The following PDE1A variants were observed in gnomAD, a reference collection of about 807,000 sequenced individuals.
The protein encoded by PDE1A is dual specificity calcium/calmodulin-dependent 3',5'-cyclic nucleotide phosphodiesterase 1A.
A neutral mutation model predicts 61.7 loss-of-function variants in PDE1A; 35 were observed. That is an observed-to-expected ratio of 0.57 (90% CI 0.43 to 0.75). The LOEUF (loss-of-function observed/expected upper bound fraction) is 0.75. PDE1A is among the 30% of genes least tolerant of loss of function. The pLI, the probability that PDE1A is intolerant of heterozygous loss-of-function variation, is 0.00. For synonymous variants in PDE1A, 232 were observed against 213.2 expected (o/e 1.09, Z -0.77); for missense variants, 597 against 630.6 (o/e 0.95, Z 0.57).
downstream of PDE1A, among the ~76,000 whole-genome samples, chr2:182,166,023 T>C (rs1427446864): frequency 1.3e-5 from 2 of 152,140 alleles, no homozygotes; most frequent in African/African-American, 2.4e-5. Context: ...GTAAACAGGA[T>C]AGTTTCACCA....
chr2:182,669,442 G>T, the PDE1A span, among the ~76,000 whole-genome samples: 24 of 152,078 alleles, frequency 1.6e-4, no homozygotes, highest in African/African-American at 5.8e-4. Flanking sequence ...GTTGAATTTT[G>T]CTATAGTTTC....
At chr2:182,582,793 G>GA in the PDE1A span, among the ~76,000 whole-genome samples, 1 of 152,184 alleles carries the variant, frequency 6.6e-6, no homozygotes, top group African/African-American at 2.4e-5. Context: ...ATGGGACTTG[G>GA]AAAAACACTA....
chr2:182,484,573 G>A (rs1177430043), intron 2 of PDE1A, among the ~76,000 whole-genome samples: 1 of 152,050 alleles, frequency 6.6e-6, no homozygotes, highest in Middle Eastern at 3.4e-3. Flanking sequence ...AGAGTAAACA[G>A]ACAACCTAGA....
At chr2:182,205,174 G>A (rs1277644793) in intron 8 of PDE1A, among the ~76,000 whole-genome samples, 1 of 152,082 alleles carries the variant, frequency 6.6e-6, no homozygotes, top group African/African-American at 2.4e-5. Context: ...ATAAATACAG[G>A]CCTTTTTCTG....
intron 1 of PDE1A, among the ~76,000 whole-genome samples, chr2:182,293,344 G>A (rs1010131861): frequency 1.2e-4 from 18 of 152,030 alleles, no homozygotes; most frequent in Admixed American, 1.1e-3. Context: ...AAACAGTAGC[G>A]CTTTGATTTT....
intron 1 of PDE1A, among the ~76,000 whole-genome samples, chr2:182,333,005 G>A (rs529640262): frequency 5.3e-5 from 8 of 152,236 alleles, no homozygotes; most frequent in Non-Finnish European, 7.4e-5. Flanking sequence ...AATGGTAAAC[G>A]AACCAATGCA....
chr2:182,495,692 C>T (rs959018761), intron 2 of PDE1A, among the ~76,000 whole-genome samples: 1 of 152,202 alleles, frequency 6.6e-6, no homozygotes, highest in Non-Finnish European at 1.5e-5. Context: ...CTACAGTCAG[C>T]AGCCACCCCC....
chr2:182,208,696 G>A (rs189374770), intron 7 of PDE1A, among the ~76,000 whole-genome samples: 34 of 152,292 alleles, frequency 2.2e-4, no homozygotes, highest in African/African-American at 7.5e-4. Context: ...AAGGCCGTAG[G>A]AGCACACCCC....
chr2:182,626,760 TAC>T, the PDE1A span, among the ~76,000 whole-genome samples: 14 of 10,316 alleles, frequency 1.4e-3, no homozygotes, highest in East Asian at 2.1e-3. Flanking sequence ...TATATATATA[TAC>T]ATATATATAC....
At chr2:182,337,380 G>A (rs1004213067) in intron 1 of PDE1A, among the ~76,000 whole-genome samples, 4 of 152,112 alleles carry the variant, frequency 2.6e-5, no homozygotes, top group Admixed American at 2.0e-4. Flanking sequence ...ATAATACAGA[G>A]TTATGTTCAA....
rs528590737 is a variant in PDE1A, at chr2:182,304,076, T to G, written c.54-39662A>C. ...CCACCATGACCAGCTAATTTTTGTATTTTTAGTAGAGACACGGTTTCACCA... is the reference window on the plus strand; with the variant it reads ...CCACCATGACCAGCTAATTTTTGTAGTTTTAGTAGAGACACGGTTTCACCA... On this transcript the variant is annotated intron_variant, in intron 1 of 13. Coordinates refer to ENST00000351439, the Ensembl canonical transcript of PDE1A. Among the ~76,000 whole-genome samples, 248 of 152,248 alleles carry G rather than the reference T, an allele frequency of 1.6e-3. 1 individual carries two copies. Among genetic ancestry groups the G allele is most frequent in the African/African-American group, 5.8e-3 (241 of 41,540 alleles).
At chr2:182,669,241 AC>A in the PDE1A span, among the ~76,000 whole-genome samples, 1 of 152,178 alleles carries the variant, frequency 6.6e-6, no homozygotes, top group Non-Finnish European at 1.5e-5. Flanking sequence ...ATTCCTCAAA[AC>A]AAAGGAATAC....
At chr2:182,412,763 T>A (rs1422802640) in intron 1 of PDE1A, among the ~76,000 whole-genome samples, 3 of 152,192 alleles carry the variant, frequency 2.0e-5, no homozygotes, top group Non-Finnish European at 4.4e-5. Context: ...AACTTGATTA[T>A]TCTCTAATTC....
intron 13 of PDE1A, among the ~76,000 whole-genome samples, chr2:182,154,423 T>C (rs1690952086): frequency 6.6e-6 from 1 of 152,192 alleles, no homozygotes; most frequent in Non-Finnish European, 1.5e-5. Flanking sequence ...TATGAATGGC[T>C]CTAAGAAGTT....
At chr2:182,481,039 G>A (rs1036265920) in intron 2 of PDE1A, among the ~76,000 whole-genome samples, 1 of 151,866 alleles carries the variant, frequency 6.6e-6, no homozygotes, top group Non-Finnish European at 1.5e-5. Flanking sequence ...CTTGCACTTC[G>A]AGTTTGCAGA....
chr2:182,393,813 G>C (rs1356604999), intron 1 of PDE1A, among the ~76,000 whole-genome samples: 4 of 152,186 alleles, frequency 2.6e-5, no homozygotes, highest in African/African-American at 9.7e-5. Flanking sequence ...AAACATAAGA[G>C]TCACCTTTGC....
chr2:182,581,106 A>C, the PDE1A span, among the ~76,000 whole-genome samples: 4 of 152,324 alleles, frequency 2.6e-5, no homozygotes, highest in Non-Finnish European at 2.9e-5. Context: ...TCTGATGACA[A>C]TAAAACAAGT....
chr2:182,401,289 C>T (rs1468416479), intron 1 of PDE1A, among the ~76,000 whole-genome samples: 2 of 152,126 alleles, frequency 1.3e-5, no homozygotes, highest in Non-Finnish European at 2.9e-5. Flanking sequence ...TACTGGCAAA[C>T]CGAATCCAGC....
the PDE1A span, among the ~76,000 whole-genome samples, chr2:182,564,707 G>C: frequency 2.0e-5 from 3 of 152,004 alleles, no homozygotes; most frequent in East Asian, 1.9e-4. Flanking sequence ...ACGTAGATTT[G>C]GTCTTTTCAC....
Sources: allele counts gnomAD v4.1 joint callset (sites outside exome capture counted in the v4.1 genomes callset), GRCh38; gene constraint gnomAD v4.1.1; transcripts MANE v1.5; gene names NCBI Gene and HGNC (gene_info 2026-07-23, HGNC 2026-07-21).